RANGAP1: variants seen among roughly 807,000 people sequenced by gnomAD.
RANGAP1 encodes Ran GTPase activating protein 1.
In RANGAP1, 38 loss-of-function variants were observed where a neutral mutation model predicts 63.5. The ratio of observed to expected loss-of-function variants is 0.60; its 90% CI spans 0.46 to 0.78. The LOEUF is 0.78. Ranked by LOEUF, RANGAP1 falls within the 30% of genes least tolerant of loss-of-function variation. The probability of loss-of-function intolerance (pLI) is 0.00; values close to 1 mark genes in which losing one functional copy is unlikely to be tolerated. For missense variants in RANGAP1, 630 were observed against 740.3 expected (o/e 0.85, Z 1.73); for synonymous variants, 329 against 310.5 (o/e 1.06, Z -0.63).
chr22:41,292,054 A>G, the RANGAP1 span, among the ~76,000 whole-genome samples: 19 of 151,912 alleles, frequency 1.3e-4, no homozygotes, highest in African/African-American at 4.6e-4. Flanking sequence ...CTCCTGCTTC[A>G]GCCTCCTGAG....
At chr22:41,254,161 C>CT in intron 11 of RANGAP1, 147 bp downstream of exon 11, 2 of 802,406 alleles carry the variant, frequency 2.5e-6, no homozygotes, top group Non-Finnish European at 3.9e-6. Context: ...GACCATTTTC[C>CT]TTTTTTTACT....
chr22:41,262,637 C>T (rs893634555), intron 5 of RANGAP1, among the ~76,000 whole-genome samples: 3 of 152,210 alleles, frequency 2.0e-5, no homozygotes, highest in Admixed American at 6.5e-5. Context: ...CCTGACTCCA[C>T]GGTGGTGATG....
chr22:41,246,771 CACA>C (rs1180241956), intron 15 of RANGAP1, 99 bp from the exon 16 acceptor site: 16 of 1,124,056 alleles, frequency 1.4e-5, no homozygotes, highest in East Asian at 2.6e-5. Flanking sequence ...TGTTAATTTG[CACA>C]ACGACTCAGC....
the RANGAP1 span, among the ~76,000 whole-genome samples, chr22:41,293,060 C>T: frequency 6.6e-6 from 1 of 151,806 alleles, no homozygotes; most frequent in Non-Finnish European, 1.5e-5. Flanking sequence ...ATGGTGAAAC[C>T]CCGTCTCTAC....
intron 15 of RANGAP1, among the ~76,000 whole-genome samples, chr22:41,248,999 G>A (rs915296004): frequency 2.0e-5 from 3 of 152,222 alleles, no homozygotes; most frequent in Admixed American, 2.0e-4. Context: ...TCTGGACACT[G>A]GCCCAGCCTC....
chr22:41,268,236 A>T (rs1224950276), intron 3 of RANGAP1, 80 bp from the exon 4 acceptor site: 30 of 1,180,894 alleles, frequency 2.5e-5, no homozygotes, highest in Non-Finnish European at 3.7e-6. Flanking sequence ...GGTGGATTTG[A>T]ACTACCAGAG....
chr22:41,255,956 G>T lies in RANGAP1; in HGVS notation c.1073+65C>A, dbSNP rs1021362542. On this transcript the variant is annotated intron_variant, in intron 10 of 15. Coordinates refer to ENST00000356244, the MANE Select transcript of RANGAP1 (RefSeq NM_002883.4). ...GGAACAGAGCAAGACTCCATCTCAAGAACAAAAGAAAGAAAGAAAGGAATG... is the reference window on the plus strand; with the variant it reads ...GGAACAGAGCAAGACTCCATCTCAATAACAAAAGAAAGAAAGAAAGGAATG... The T allele has an allele frequency of 2.7e-6, 4 of 1,497,396 alleles. No individual in the cohort carries two copies. The African/African-American group carries it at 4.1e-5, about 15-fold the overall frequency. The allele number at this position is 1,497,396 out of a possible 1,614,324, so 92.8% of individuals were successfully genotyped here.
intron 2 of RANGAP1, among the ~76,000 whole-genome samples, chr22:41,277,300 G>A (rs550939991): frequency 3.0e-4 from 46 of 151,934 alleles, no homozygotes; most frequent in African/African-American, 8.2e-4. Context: ...GGATGGTCTC[G>A]ATCTCCTGAC....
chr22:41,298,384 G>A, the RANGAP1 span, among the ~76,000 whole-genome samples: 3,758 of 151,660 alleles, frequency 0.025, 67 homozygotes, highest in Non-Finnish European at 0.036. Flanking sequence ...GCGCGATCTC[G>A]GCTCACTGCA....
Position 41,254,397 on chromosome 22 carries a change from C to G in RANGAP1, c.1171G>C (p.Glu391Gln), listed in dbSNP as rs772648787. The G allele has an allele frequency of 6.2e-7, 1 of 1,613,826 alleles. No homozygotes were observed. The highest frequency in any genetic ancestry group is 2.2e-5 in the East Asian group (1 of 44,864). ...TGAGGCTCTTCTTCCTCCTCCTCCT[C>G]CTCTTCTTCCTCCTCTTCCTCATCT... The part of the protein sequence containing the change: ...EEDEEEEEEE[E>Q]EEEEEEPQQR... Residue 391 changes from glutamate to glutamine, a missense_variant, in exon 11 of 16, where the codon GAG (glutamate) becomes CAG (glutamine). By Grantham distance (29) the Glu-to-Gln change is conservative. Coordinates refer to ENST00000356244, the MANE Select transcript of RANGAP1 (RefSeq NM_002883.4).
the RANGAP1 span, among the ~76,000 whole-genome samples, chr22:41,299,632 C>T: frequency 0.026 from 3,952 of 152,208 alleles, 156 homozygotes; most frequent in African/African-American, 0.089. Flanking sequence ...AGTAAAGAAG[C>T]GGTGGCTGTT....
At chr22:41,263,186 C>A (rs1399673263) in intron 5 of RANGAP1, among the ~76,000 whole-genome samples, 1 of 152,138 alleles carries the variant, frequency 6.6e-6, no homozygotes, top group Non-Finnish European at 1.5e-5. Flanking sequence ...CCAGACAACT[C>A]CTGGCCAGTA....
intron 5 of RANGAP1, among the ~76,000 whole-genome samples, chr22:41,261,930 C>T (rs1253852002): frequency 6.6e-6 from 1 of 152,202 alleles, no homozygotes; most frequent in Admixed American, 6.5e-5. Context: ...CTGTCTAAGG[C>T]CCTCTGCTAG....
Position 41,281,047 on chromosome 22 carries a change from T to G in RANGAP1, c.-3A>C, listed in dbSNP as rs758770566. The G allele has an allele frequency of 1.3e-6, 2 of 1,593,028 alleles. No homozygotes were observed. Among genetic ancestry groups the G allele is most frequent in the Non-Finnish European group, 1.7e-6 (2 of 1,171,088 alleles). ...TTGGCAATGTCTTCCGAGGCCATGT[T>G]GACTAGGCTGGTGGGCTCCCCTGGA... On this transcript the variant is annotated 5_prime_UTR_variant, in exon 2 of 16. Transcript: ENST00000356244.
upstream of RANGAP1, among the ~76,000 whole-genome samples, chr22:41,289,344 G>A (rs186973325): frequency 1.3e-4 from 20 of 152,148 alleles, no homozygotes; most frequent in East Asian, 2.5e-3. Context: ...GTTTCTGGCC[G>A]GGCACAGTGG....
chr22:41,274,625 G>A lies in RANGAP1; in HGVS notation c.215C>T (p.Ala72Val). Reference protein sequence around the residue: ...GVEAARVIAKALEKKSELKRC... With the variant: ...GVEAARVIAKVLEKKSELKRC... ...CTTCAACTCCGACTTCTTCTCTAAG[G>A]CCTTGGCGATGACCCTGGCTGCTTC... Residue 72 changes from alanine to valine, a missense_variant, in exon 3 of 16, where the codon GCC becomes GTC. Ala to Val is a moderately conservative substitution (Grantham distance 64, BLOSUM62 0). This residue lies in a region of RANGAP1 where 137 missense variants were observed against 214.3 expected (regional missense o/e 0.64). Coordinates refer to ENST00000356244, the MANE Select transcript of RANGAP1 (RefSeq NM_002883.4). 3 of 1,614,166 alleles carry A rather than the reference G, an allele frequency of 1.9e-6. No homozygotes were observed. Among genetic ancestry groups the A allele is most frequent in the Non-Finnish European group, 2.5e-6 (3 of 1,180,020 alleles).
intron 15 of RANGAP1, among the ~76,000 whole-genome samples, chr22:41,247,255 C>T (rs2033108139): frequency 6.6e-6 from 1 of 152,096 alleles, no homozygotes; most frequent in South Asian, 2.1e-4. Context: ...CAGGGTTTCA[C>T]CATGTTAGCC....
At chr22:41,248,011 C>G (rs60729217) in intron 15 of RANGAP1, among the ~76,000 whole-genome samples, 6,332 of 152,238 alleles carry the variant, frequency 0.042, 438 homozygotes, top group African/African-American at 0.14. Context: ...ACAGGGGCTG[C>G]CAGGGATACA....
chr22:41,252,979 C>A lies in RANGAP1; in HGVS notation c.1273G>T (p.Val425Leu), dbSNP rs753538826. 13 of 1,506,036 alleles carry A rather than the reference C, an allele frequency of 8.6e-6. No individual in the cohort carries two copies. Among genetic ancestry groups the A allele is most frequent in the African/African-American group, 1.5e-5 (1 of 68,728 alleles). 93.3% of individuals were successfully genotyped at this position (1,506,036 alleles called of 1,614,324 possible). ...LDPNTGEPAP[V>L]LSSPPPADVS... ...TCTGCAGGAGGTGGGGAGGACAGCA[C>A]GGGAGCTGGCTCCTGGGAAGTAGGG... The change falls in exon 12 of 16, where the codon GTG (valine) becomes TTG (leucine). Residue 425 changes from valine to leucine, a missense_variant. By Grantham distance (32) the Val-to-Leu change is conservative. This residue lies in a region of RANGAP1 where 428 missense variants were observed against 465.5 expected (regional missense o/e 0.92). Coordinates refer to ENST00000356244, the MANE Select transcript of RANGAP1 (RefSeq NM_002883.4).
Sources: gnomAD v4.1 joint callset for allele counts (sites outside exome capture counted in the v4.1 genomes callset) on GRCh38, gnomAD v4.1.1 for gene constraint, gnomAD v4.1.1 regional missense constraint, MANE v1.5 for transcripts, NCBI Gene and HGNC (gene_info 2026-07-23, HGNC 2026-07-21) for gene names.